The following CLVS1 variants were observed in gnomAD, a reference collection of about 807,000 sequenced individuals.
CLVS1 encodes clavesin-1.
Under a neutral mutation model 33.1 loss-of-function variants are expected in CLVS1, and 10 were observed. That is an observed-to-expected ratio of 0.30 (90% confidence interval 0.19 to 0.51). The LOEUF (loss-of-function observed/expected upper bound fraction) is 0.51, where lower values mean the gene tolerates loss of function less well. Among genes scored for constraint, CLVS1 ranks in the 20% least tolerant of loss-of-function variants. CLVS1 has a pLI of 0.97. For synonymous variants in CLVS1, 163 were observed against 166.1 expected (o/e 0.98, Z 0.14); for missense variants, 343 against 433.4 (o/e 0.79, Z 1.85).
intron 2 of CLVS1, among the ~76,000 whole-genome samples, chr8:61,266,921 C>A (rs1244019997): frequency 6.6e-6 from 1 of 152,148 alleles, no homozygotes; most frequent in Non-Finnish European, 1.5e-5. Flanking sequence ...AACCCGTATG[C>A]CTGGTGAATC....
At chr8:61,326,373 T>C (rs1022865079) in intron 2 of CLVS1, among the ~76,000 whole-genome samples, 4 of 152,174 alleles carry the variant, frequency 2.6e-5, no homozygotes, top group African/African-American at 9.7e-5. Flanking sequence ...TAGTTGAGCT[T>C]AGCTTAGCTT....
At chr8:61,131,190 A>G (rs7001997) in intron 1 of CLVS1, among the ~76,000 whole-genome samples, 3 of 151,968 alleles carry the variant, frequency 2.0e-5, no homozygotes, top group Non-Finnish European at 2.9e-5. Context: ...ATTATCACTG[A>G]AACCATGGAT....
At chr8:61,143,655 A>G (rs1012724717) in intron 2 of CLVS1, among the ~76,000 whole-genome samples, 23 of 151,870 alleles carry the variant, frequency 1.5e-4, no homozygotes, top group Admixed American at 9.2e-4. Flanking sequence ...TGTACTGTCT[A>G]TTCTGCACCT....
chr8:61,240,851 G>T (rs1160122062), intron 2 of CLVS1, among the ~76,000 whole-genome samples: 1 of 149,678 alleles, frequency 6.7e-6, no homozygotes, highest in Admixed American at 6.6e-5. Context: ...TGATCTCACG[G>T]GTAAAACTCT....
upstream of CLVS1, among the ~76,000 whole-genome samples, chr8:61,053,813 G>A (rs991158520): frequency 1.3e-5 from 2 of 152,208 alleles, no homozygotes; most frequent in African/African-American, 4.8e-5. Context: ...TTTCTCTGGA[G>A]TTGCTAAGTG....
chr8:61,221,849 C>T lies in CLVS1; in HGVS notation c.-151-77828C>T, dbSNP rs144904789. 1.4e-3 allele frequency among the ~76,000 whole-genome samples: 218 copies of T among 152,198 alleles called. 1 individual carries two copies. Among genetic ancestry groups the T allele is most frequent in the Admixed American group, 3.8e-3 (58 of 15,286 alleles). On this transcript the variant is annotated intron_variant, in intron 2 of 2. Transcript: ENST00000522621. ...TTGGTTGGTAGGTTGTCAATTATTG[C>T]CTCAATTTCAGAGCTTGTTATTGGT...
rs375820108 is a variant in CLVS1 at position 61,487,974 on chromosome 8, G to A, written c.978-11481G>A. 3.4e-4 allele frequency among the ~76,000 whole-genome samples: 52 copies of A among 152,260 alleles called. No homozygotes were observed. In the South Asian group the frequency reaches 0.01, roughly 30 times the overall value. ...AACTGCACTGAGCATGTGCACCCCA[G>A]CTTTAGAGGGAGTATGATAATTAGG... On this transcript the variant is annotated intron_variant, in intron 5 of 5. Transcript: ENST00000325897.
intron 2 of CLVS1, among the ~76,000 whole-genome samples, chr8:61,175,695 G>A (rs1807099849): frequency 6.6e-6 from 1 of 152,138 alleles, no homozygotes; most frequent in Non-Finnish European, 1.5e-5. Flanking sequence ...GGAATGCCAA[G>A]GATTGCCAGC....
chr8:61,479,937 C>T (rs2101708), intron 5 of CLVS1, among the ~76,000 whole-genome samples: 111,368 of 151,816 alleles, frequency 0.73, 42,852 homozygotes, highest in Non-Finnish European at 0.86. Flanking sequence ...TGATCATTCC[C>T]CTGGAAGTTT....
intron 3 of CLVS1, among the ~76,000 whole-genome samples, chr8:61,422,511 A>G (rs1354097552): frequency 6.6e-6 from 1 of 152,218 alleles, no homozygotes; most frequent in Non-Finnish European, 1.5e-5. Context: ...ATTATCCTTA[A>G]TTAAGCTTTC....
chr8:61,281,610 G>T (rs1227642190), intron 2 of CLVS1, among the ~76,000 whole-genome samples: 4 of 152,304 alleles, frequency 2.6e-5, no homozygotes, highest in African/African-American at 9.6e-5. Context: ...AGTCAACAAA[G>T]GTAGGGTATT....
At chr8:61,366,475 G>T (rs1250950450) in intron 2 of CLVS1, among the ~76,000 whole-genome samples, 5 of 152,182 alleles carry the variant, frequency 3.3e-5, no homozygotes, top group African/African-American at 1.2e-4. Flanking sequence ...AAGGTGCTCA[G>T]TAATACATTG....
chr8:61,218,647 C>CAA (rs1563449692), intron 2 of CLVS1, among the ~76,000 whole-genome samples: 1 of 142,730 alleles, frequency 7.0e-6, no homozygotes, highest in South Asian at 2.3e-4. Context: ...AAAAAAAAAA[C>CAA]AACAAGGCCA....
chr8:60,970,696 C>T, the CLVS1 span, among the ~76,000 whole-genome samples: 9 of 152,172 alleles, frequency 5.9e-5, no homozygotes, highest in Non-Finnish European at 1.0e-4. Flanking sequence ...AATCTCCATT[C>T]CCTCTTGCAG....
intron 5 of CLVS1, among the ~76,000 whole-genome samples, chr8:61,488,788 T>C (rs1803965112): frequency 6.6e-6 from 1 of 152,314 alleles, no homozygotes; most frequent in Non-Finnish European, 1.5e-5. Flanking sequence ...AGCCCTTTTG[T>C]AGGTAAATTA....
At chr8:61,021,150 A>G in the CLVS1 span, among the ~76,000 whole-genome samples, 1 of 152,198 alleles carries the variant, frequency 6.6e-6, no homozygotes, top group African/African-American at 2.4e-5. Flanking sequence ...AAGAGCCTGC[A>G]ATATAAACAG....
At chr8:61,155,811 AC>A (rs35270334) in intron 2 of CLVS1, among the ~76,000 whole-genome samples, 11,887 of 152,150 alleles carry the variant, frequency 0.078, 704 homozygotes, top group African/African-American at 0.14. Context: ...AGAAAAGGAG[AC>A]TAAAAGCCTG....
At chr8:61,253,396 G>A (rs888721126) in intron 2 of CLVS1, among the ~76,000 whole-genome samples, 10 of 152,126 alleles carry the variant, frequency 6.6e-5, no homozygotes, top group South Asian at 2.1e-4. Context: ...ACAATTATAC[G>A]TCTTGGAGTT....
chr8:61,059,499 T>TATATATATATATATATACATATACAC (rs1265187479), intron 1 of CLVS1, among the ~76,000 whole-genome samples: 1 of 96,352 alleles, frequency 1.0e-5, no homozygotes, highest in African/African-American at 4.0e-5. Flanking sequence ...TATATATATA[T>TATATATATATATATATACATATACAC]ACACATATCT....
Sources: allele counts gnomAD v4.1 joint callset (sites outside exome capture counted in the v4.1 genomes callset), GRCh38; gene constraint gnomAD v4.1.1; transcripts MANE v1.5; gene names NCBI Gene and HGNC (gene_info 2026-07-23, HGNC 2026-07-21).